The following GALNT10 variants were observed in gnomAD, a reference collection of about 807,000 sequenced individuals.
GALNT10 encodes the protein polypeptide N-acetylgalactosaminyltransferase 10.
Under a neutral mutation model 75.0 loss-of-function variants are expected in GALNT10, and 41 were observed. The observed-to-expected ratio is 0.55, with a 90% CI of 0.43 to 0.71. GALNT10 has a LOEUF of 0.71. Ranked by LOEUF, GALNT10 falls within the 30% of genes least tolerant of loss-of-function variation. The pLI, the probability that GALNT10 is intolerant of heterozygous loss-of-function variation, is 0.00. For missense variants in GALNT10, 727 were observed against 818.5 expected, an observed-to-expected ratio of 0.89 and a Z score of 1.36; for synonymous variants, 302 against 313.0, an observed-to-expected ratio of 0.96 and a Z score of 0.37.
intron 1 of GALNT10, among the ~76,000 whole-genome samples, chr5:154,250,518 T>C (rs1257909081): frequency 2.0e-5 from 3 of 152,198 alleles, no homozygotes; most frequent in Non-Finnish European, 2.9e-5. Context: ...TACTTAAATG[T>C]ACATGTACAG....
chr5:154,382,989 A>G (rs1176854704), intron 6 of GALNT10, among the ~76,000 whole-genome samples: 2 of 152,198 alleles, frequency 1.3e-5, no homozygotes, highest in South Asian at 2.1e-4. Flanking sequence ...GGGAGCTTGT[A>G]AAAACACAAA....
rs201697621 is a variant in GALNT10, at chr5:154,226,282, TA to T, written c.159+35258del. ...CTATGGTTGTCATGTATTTTAGTTA[TA>T]TTTTTTAATTTCCTAAGACTATAGT... On this transcript the variant is annotated intron_variant, in intron 1 of 11. Coordinates refer to ENST00000297107, the MANE Select transcript of GALNT10 (RefSeq NM_198321.4). 8.5e-5 allele frequency among the ~76,000 whole-genome samples: 13 copies of T among 152,368 alleles called. No homozygotes were observed. In the East Asian group the frequency reaches 1.5e-3, roughly 18 times the overall value.
intron 4 of GALNT10, among the ~76,000 whole-genome samples, chr5:154,356,651 C>A (rs570511696): frequency 6.6e-6 from 1 of 152,266 alleles, no homozygotes; most frequent in South Asian, 2.1e-4. Flanking sequence ...GCCTACTCCC[C>A]CTGAAGGTGG....
intron 1 of GALNT10, among the ~76,000 whole-genome samples, chr5:154,266,142 A>G (rs1753771751): frequency 6.6e-6 from 1 of 152,208 alleles, no homozygotes; most frequent in African/African-American, 2.4e-5. Context: ...AAGCAAGTAA[A>G]TATCGAGCAT....
At chr5:154,330,680 T>A (rs1754843033) in intron 4 of GALNT10, among the ~76,000 whole-genome samples, 1 of 152,194 alleles carries the variant, frequency 6.6e-6, no homozygotes, top group Non-Finnish European at 1.5e-5. Flanking sequence ...CTCAAGCTTA[T>A]TCTTTGCATC....
chr5:154,346,832 C>G (rs1332678748), intron 4 of GALNT10, among the ~76,000 whole-genome samples: 1 of 152,036 alleles, frequency 6.6e-6, no homozygotes, highest in Non-Finnish European at 1.5e-5. Flanking sequence ...TGAGCTAGTA[C>G]TTAACCTCTC....
intron 3 of GALNT10, among the ~76,000 whole-genome samples, chr5:154,301,801 C>T (rs1754364275): frequency 6.6e-6 from 1 of 152,292 alleles, no homozygotes; most frequent in South Asian, 2.1e-4. Flanking sequence ...CAGGCTCCCC[C>T]AGCCTGGCAG....
At chr5:154,360,492 A>G (rs915570698) in intron 4 of GALNT10, among the ~76,000 whole-genome samples, 8 of 151,808 alleles carry the variant, frequency 5.3e-5, no homozygotes, top group Admixed American at 3.9e-4. Context: ...CTGGATCCAC[A>G]TGACATAAGC....
At chr5:154,266,585 A>AAAAC (rs1002167278) in intron 1 of GALNT10, among the ~76,000 whole-genome samples, 2 of 151,322 alleles carry the variant, frequency 1.3e-5, no homozygotes, top group African/African-American at 4.9e-5. Context: ...AAAAAAAAAA[A>AAAAC]AACAGCTTCC....
At chr5:154,374,942 C>T (rs1218389965) in intron 4 of GALNT10, among the ~76,000 whole-genome samples, 1 of 152,054 alleles carries the variant, frequency 6.6e-6, no homozygotes, top group African/African-American at 2.4e-5. Flanking sequence ...GAAATGATAC[C>T]AATTTTTCAT....
At chr5:154,206,025 TTGTG>T (rs376971400) in intron 1 of GALNT10, among the ~76,000 whole-genome samples, 1 of 151,736 alleles carries the variant, frequency 6.6e-6, no homozygotes, top group Non-Finnish European at 1.5e-5. Flanking sequence ...TCAGATTGTG[TTGTG>T]TGTGTGTGTG....
intron 3 of GALNT10, among the ~76,000 whole-genome samples, chr5:154,313,015 A>T (rs1459709094): frequency 6.6e-6 from 1 of 152,204 alleles, no homozygotes; most frequent in Non-Finnish European, 1.5e-5. Flanking sequence ...TTTTTTTAAA[A>T]TGTTATTGTT....
chr5:154,350,756 C>G (rs1367393263), intron 4 of GALNT10, among the ~76,000 whole-genome samples: 1 of 152,176 alleles, frequency 6.6e-6, no homozygotes, highest in Non-Finnish European at 1.5e-5. Flanking sequence ...TGCAAGCTCG[C>G]TCCCGCACAC....
intron 7 of GALNT10, among the ~76,000 whole-genome samples, chr5:154,394,179 G>T (rs1442807106): frequency 6.6e-6 from 1 of 152,150 alleles, no homozygotes; most frequent in African/African-American, 2.4e-5. Context: ...AAGTCAGGAA[G>T]GTCTTTGAGC....
chr5:154,193,946 C>T (rs1437975447), intron 1 of GALNT10, among the ~76,000 whole-genome samples: 1 of 152,204 alleles, frequency 6.6e-6, no homozygotes, highest in Admixed American at 6.5e-5. Context: ...TCTTGGGAAG[C>T]TGCAAAACCA....
intron 3 of GALNT10, among the ~76,000 whole-genome samples, chr5:154,312,650 C>T (rs1198509041): frequency 6.6e-6 from 1 of 152,188 alleles, no homozygotes. Context: ...ACATACAGGT[C>T]ATTTCCAGGT....
chr5:154,386,410 C>T lies in GALNT10; in HGVS notation c.1036C>T (p.Gln346Ter), dbSNP rs1561678644. Reference protein sequence around the residue: ...DPGLEIWGGEQYEISFKVWMC... With the variant: ...DPGLEIWGGE ...AGGCTTGGAGATCTGGGGAGGGGAGCAGTATGAAATCTCCTTCAAGGTGAG... is the reference window on the plus strand; with the variant it reads ...AGGCTTGGAGATCTGGGGAGGGGAGTAGTATGAAATCTCCTTCAAGGTGAG... Residue 346 changes from glutamine (Q) to a stop codon, truncating the protein, a stop_gained, in exon 7 of 12, where the codon CAG (glutamine) becomes TAG (stop). Coordinates refer to ENST00000297107, the MANE Select transcript of GALNT10 (RefSeq NM_198321.4). LOFTEE classifies it high-confidence loss of function. 5 of 1,610,588 alleles carry T rather than the reference C, an allele frequency of 3.1e-6. No homozygotes were observed. The highest frequency in any genetic ancestry group is 1.3e-5 in the African/African-American group (1 of 74,836).
intron 3 of GALNT10, among the ~76,000 whole-genome samples, chr5:154,323,133 A>G (rs1754702259): frequency 6.6e-6 from 1 of 152,234 alleles, no homozygotes; most frequent in Non-Finnish European, 1.5e-5. Flanking sequence ...CCAGATAGTA[A>G]ATGTTACGGG....
intron 4 of GALNT10, among the ~76,000 whole-genome samples, chr5:154,330,523 T>C (rs1274730417): frequency 5.9e-5 from 9 of 152,204 alleles, no homozygotes; most frequent in Non-Finnish European, 1.2e-4. Context: ...CCGAACCATG[T>C]CTGGCCCCAA....
Sources: gnomAD v4.1 joint callset for allele counts (sites outside exome capture counted in the v4.1 genomes callset) on GRCh38, gnomAD v4.1.1 for gene constraint, MANE v1.5 for transcripts, NCBI Gene and HGNC (gene_info 2026-07-23, HGNC 2026-07-21) for gene names.